The following UBAP2 variants were observed in gnomAD, a reference collection of about 807,000 sequenced individuals.
UBAP2 encodes the protein ubiquitin-associated protein 2.
Under a neutral mutation model 139.6 loss-of-function variants are expected in UBAP2, and 75 were observed. The observed-to-expected ratio is 0.54, with a 90% CI of 0.45 to 0.65. UBAP2 has a LOEUF of 0.65. Ranked by LOEUF, UBAP2 falls within the 30% of genes least tolerant of loss-of-function variation. The pLI, the probability that UBAP2 is intolerant of heterozygous loss-of-function variation, is 0.00. For missense variants in UBAP2, 1,368 were observed against 1,369.6 expected, an observed-to-expected ratio of 1.00 and a Z score of 0.02; for synonymous variants, 526 against 526.2, an observed-to-expected ratio of 1.00 and a Z score of 0.01.
intron 24 of UBAP2, 57 bp from the exon 25 acceptor site, chr9:33,923,535 A>G: frequency 1.9e-6 from 3 of 1,553,614 alleles, no homozygotes; most frequent in Non-Finnish European, 2.7e-6. Context: ...GAGGCTGGTC[A>G]GGTACCCCTG....
At chr9:33,966,513 T>C (rs1015837868) in intron 8 of UBAP2, among the ~76,000 whole-genome samples, 4 of 152,288 alleles carry the variant, frequency 2.6e-5, no homozygotes, top group Middle Eastern at 3.4e-3. Context: ...AAGATTTTGA[T>C]TGGAATTGTG....
intron 8 of UBAP2, among the ~76,000 whole-genome samples, chr9:33,966,549 G>T (rs962697029): frequency 6.6e-6 from 1 of 152,158 alleles, no homozygotes; most frequent in Non-Finnish European, 1.5e-5. Flanking sequence ...AATTTGGAGA[G>T]AAATGACATT....
rs186615282 is a variant in UBAP2, at chr9:34,005,021, G to C, written c.100-6157C>G. On this transcript the variant is annotated intron_variant, in intron 2 of 28. Coordinates refer to ENST00000379238, the MANE Select transcript of UBAP2 (RefSeq NM_001370062.2). Reference sequence around the variant, plus strand: ...CTCAGGCCTGTAATCCCAGCACTTTGGGAGGCTGAGGCAGGCGGATCACTT... The same window carrying C: ...CTCAGGCCTGTAATCCCAGCACTTTCGGAGGCTGAGGCAGGCGGATCACTT... Among the ~76,000 whole-genome samples, 107 of 152,012 alleles carry C rather than the reference G, an allele frequency of 7.0e-4. 2 individuals carry two copies. The highest frequency in any genetic ancestry group is 2.3e-3 in the African/African-American group (97 of 41,472).
rs1354592977 is a variant in UBAP2, at chr9:33,922,853, G to A, written c.3098C>T (p.Ala1033Val). The A allele has an allele frequency of 2.5e-6, 4 of 1,588,094 alleles. No individual in the cohort carries two copies. The highest frequency in any genetic ancestry group is 3.4e-6 in the Non-Finnish European group (4 of 1,165,010). ...TQTFDKQGFH[A>V]GTPPPFSLPS... ...CAGGCTGAAAGGTGGAGGCGTCCCTGCATGAAATCCCTGCTTGTCAAAAGT... is the reference window on the plus strand; with the variant it reads ...CAGGCTGAAAGGTGGAGGCGTCCCTACATGAAATCCCTGCTTGTCAAAAGT... Residue 1033 changes from alanine (A) to valine (V), a missense_variant, in exon 28 of 29, where the codon GCA becomes GTA. Transcript: ENST00000379238.
chr9:34,022,080 A>G (rs954340125), intron 1 of UBAP2, among the ~76,000 whole-genome samples: 1 of 152,130 alleles, frequency 6.6e-6, no homozygotes, highest in African/African-American at 2.4e-5. Flanking sequence ...CCCTACCTGT[A>G]TTAAAAATTC....
chr9:33,962,665 TA>T lies in UBAP2; in HGVS notation c.745+1060del, dbSNP rs1564032624. Among the ~76,000 whole-genome samples, 57 of 143,040 alleles carry T rather than the reference TA, an allele frequency of 4.0e-4. 1 individual carries two copies. Among genetic ancestry groups the T allele is most frequent in the African/African-American group, 1.2e-3 (48 of 39,038 alleles). 93.8% of individuals were successfully genotyped at this position (143,040 alleles called of 152,430 possible). The stretch of plus-strand genomic sequence containing the variant: ...TCTCAAAAATAAATAAATAAATAAA[TA>T]AATAAATAAATAAATAATTAAAAAA... On this transcript the variant is annotated intron_variant, in intron 9 of 28. Coordinates refer to ENST00000379238, the MANE Select transcript of UBAP2 (RefSeq NM_001370062.2).
rs188589471 is a variant in UBAP2, at chr9:34,017,153, A to T, written c.-5T>A. On this transcript the variant is annotated 5_prime_UTR_variant, in exon 2 of 29. Coordinates refer to ENST00000379238, the MANE Select transcript of UBAP2 (RefSeq NM_001370062.2). ...ACTGCTCACTGAAGTCATCATATAC[A>T]GTATATACAAAATAATGTATGTACA... is the stretch of plus-strand genomic sequence containing the variant. 3.2e-6 allele frequency: 5 copies of T among 1,572,502 alleles called. No individual in the cohort carries two copies. Among genetic ancestry groups the T allele is most frequent in the Admixed American group, 2.0e-5 (1 of 49,146 alleles).
At chr9:33,962,645 A>AAAATAAATAAAT (rs57313855) in intron 9 of UBAP2, among the ~76,000 whole-genome samples, 3,579 of 139,206 alleles carry the variant, frequency 0.026, 156 homozygotes, top group African/African-American at 0.087. Flanking sequence ...CTCTATCTCA[A>AAAATAAATAAAT]AAATAAATAA....
intron 2 of UBAP2, among the ~76,000 whole-genome samples, chr9:34,004,208 T>C (rs1328941415): frequency 6.6e-6 from 1 of 152,188 alleles, no homozygotes; most frequent in Admixed American, 6.5e-5. Flanking sequence ...AAAACGGGCA[T>C]AATGAACTTT....
At chr9:33,927,538 A>G (rs1409541747) in intron 20 of UBAP2, among the ~76,000 whole-genome samples, 2 of 152,158 alleles carry the variant, frequency 1.3e-5, no homozygotes, top group East Asian at 3.9e-4. Context: ...TGGCCCCTCC[A>G]AGTCACAATG....
intron 11 of UBAP2, among the ~76,000 whole-genome samples, chr9:33,955,368 A>G (rs1188168134): frequency 1.3e-5 from 2 of 151,886 alleles, no homozygotes; most frequent in Non-Finnish European, 2.9e-5. Context: ...AAAATACAAA[A>G]ATTAGCCGGG....
intron 19 of UBAP2, among the ~76,000 whole-genome samples, chr9:33,929,125 G>A (rs1370888001): frequency 6.6e-6 from 1 of 152,222 alleles, no homozygotes; most frequent in East Asian, 1.9e-4. Flanking sequence ...CACCAACTAG[G>A]TTCTCACTAA....
chr9:33,977,396 G>T (rs1048789793), intron 6 of UBAP2, among the ~76,000 whole-genome samples: 1 of 152,060 alleles, frequency 6.6e-6, no homozygotes, highest in Non-Finnish European at 1.5e-5. Context: ...ATTCTAGCAA[G>T]ATAATAGAAT....
chr9:33,953,922 T>C (rs1020922503), intron 11 of UBAP2, among the ~76,000 whole-genome samples: 8 of 152,044 alleles, frequency 5.3e-5, no homozygotes, highest in Non-Finnish European at 1.0e-4. Context: ...TTTTTTTTTT[T>C]CTAAGACAGT....
At chr9:33,990,081 G>A (rs1489608102) in intron 4 of UBAP2, among the ~76,000 whole-genome samples, 1 of 151,916 alleles carries the variant, frequency 6.6e-6, no homozygotes, top group Non-Finnish European at 1.5e-5. Context: ...ATAAATGGCT[G>A]AGAAAGAAAA....
intron 1 of UBAP2, among the ~76,000 whole-genome samples, chr9:34,024,786 C>A (rs1270866614): frequency 6.6e-6 from 1 of 152,104 alleles, no homozygotes; most frequent in African/African-American, 2.4e-5. Flanking sequence ...GAGTTCCAGA[C>A]CAGCCTGGCA....
intron 9 of UBAP2, 44 bp downstream of exon 9, chr9:33,963,682 A>T: frequency 8.3e-7 from 1 of 1,206,208 alleles, no homozygotes; most frequent in Non-Finnish European, 1.2e-6. Flanking sequence ...CAAGCAATTT[A>T]TAAGATTCTT....
chr9:33,923,511 G>C, intron 24 of UBAP2, 33 bp from the exon 25 acceptor site: 1 of 1,606,136 alleles, frequency 6.2e-7, no homozygotes, highest in Non-Finnish European at 8.5e-7. Flanking sequence ...TATTAGTGTA[G>C]GAAGAGGCAA....
At chr9:33,975,767 A>G (rs960789889) in intron 6 of UBAP2, among the ~76,000 whole-genome samples, 8 of 150,122 alleles carry the variant, frequency 5.3e-5, no homozygotes, top group Admixed American at 2.7e-4. Context: ...ACAACACTGC[A>G]CTCCAGCCTG....
Sources: allele counts gnomAD v4.1 joint callset (sites outside exome capture counted in the v4.1 genomes callset), GRCh38; gene constraint gnomAD v4.1.1; transcripts MANE v1.5; gene names NCBI Gene and HGNC (gene_info 2026-07-23, HGNC 2026-07-21).